The following BRCA2 variants were observed in gnomAD, a reference collection of about 807,000 sequenced individuals.
BRCA2 encodes breast cancer type 2 susceptibility protein.
A neutral mutation model predicts 276.7 loss-of-function variants in BRCA2; 203 were observed. That is an observed-to-expected ratio of 0.73 (90% CI 0.65 to 0.82). The LOEUF (loss-of-function observed/expected upper bound fraction) is 0.82. Ranked by LOEUF, BRCA2 falls within the 40% of genes least tolerant of loss-of-function variation. The pLI is 0.00. For missense variants in BRCA2, 3,920 were observed against 3,915.0 expected (o/e 1.00, Z -0.03); for synonymous variants, 1,289 against 1,338.4 (o/e 0.96, Z 0.81).
chr13:32,355,220 A>C lies in BRCA2; in HGVS notation c.7367A>C (p.Gln2456Pro). The C allele has an allele frequency of 6.2e-7, 1 of 1,610,486 alleles. No individual in the cohort carries two copies. The highest frequency in any genetic ancestry group is 8.5e-7 in the Non-Finnish European group (1 of 1,176,980). Residue 2456 changes from glutamine (Q) to proline (P), a missense_variant, in exon 14 of 27, where the codon CAG becomes CCG. Gln to Pro is a moderately conservative substitution (Grantham distance 76, BLOSUM62 -1). This residue lies in a region of BRCA2 where 3,263 missense variants were observed against 3,156.9 expected (regional missense o/e 1.03). Coordinates refer to ENST00000380152, the MANE Select transcript of BRCA2 (RefSeq NM_000059.4). ...AAGATTAATGACAATGAGATTCATCAGTTTAACAAAAACAACTCCAATCAA... is the reference window on the plus strand; with the variant it reads ...AAGATTAATGACAATGAGATTCATCCGTTTAACAAAAACAACTCCAATCAA... ...KNKINDNEIH[Q>P]FNKNNSNQAV...
chr13:32,380,761 A>G (rs1213334973), intron 24 of BRCA2, among the ~76,000 whole-genome samples: 1 of 151,726 alleles, frequency 6.6e-6, no homozygotes, highest in African/African-American at 2.4e-5. Context: ...AGGATAGTCT[A>G]AATCTCCTGA....
rs397507313 is a variant in BRCA2 at position 32,338,017 on chromosome 13, C to T, written c.3662C>T (p.Ser1221Phe). The change falls in exon 11 of 27, where the codon TCT (serine) becomes TTT (phenylalanine). Residue 1221 changes from serine (S) to phenylalanine (F), a missense_variant. Physicochemically the swap from Ser to Phe is radical, Grantham distance 155. Around this residue, in one of 2 missense-constraint regions of BRCA2, gnomAD observed 3,263 missense variants for 3,156.9 expected, o/e 1.03. Coordinates refer to ENST00000380152, the MANE Select transcript of BRCA2 (RefSeq NM_000059.4). ...GAAGTGGGGTTTAGGGGCTTTTATT[C>T]TGCTCATGGCACAAAACTGAATGTT... ...ENEVGFRGFY[S>F]AHGTKLNVST... is the part of the protein sequence containing the mutation. 6.2e-7 allele frequency: 1 copy of T among 1,612,300 alleles called. No individual in the cohort carries two copies.
intron 3 of BRCA2, among the ~76,000 whole-genome samples, chr13:32,320,411 A>G (rs1328928229): frequency 6.6e-6 from 1 of 152,090 alleles, no homozygotes; most frequent in Non-Finnish European, 1.5e-5. Context: ...ACCTATCTTC[A>G]TTTGCCATTC....
chr13:32,379,358 C>T lies in BRCA2; in HGVS notation c.8796C>T (p.His2932=), dbSNP rs1225836672. 2 of 1,613,762 alleles carry T rather than the reference C, an allele frequency of 1.2e-6. No individual in the cohort carries two copies. Among genetic ancestry groups the T allele is most frequent in the Non-Finnish European group, 1.7e-6 (2 of 1,179,836 alleles). The change falls in exon 22 of 27, where the codon CAC becomes CAT. Residue 2932 remains histidine, a synonymous_variant. Coordinates refer to ENST00000380152, the MANE Select transcript of BRCA2 (RefSeq NM_000059.4). ...AGCAGTTAAGAGCCTTGAATAATCACAGGCAAATGTTGAATGATAAGAAAC... is the reference window on the plus strand; with the variant it reads ...AGCAGTTAAGAGCCTTGAATAATCATAGGCAAATGTTGAATGATAAGAAAC... ...SEEQLRALNN[H]RQMLNDKKQA...
rs80359714 is a variant in BRCA2 at position 32,371,000 on chromosome 13, AAG to A, written c.8537_8538del (p.Glu2846GlyfsTer22). ...SSGLYIFRNE[R>X]EEEKEAAKYV... is the part of the protein sequence containing the mutation. ...CTGGATTATACATATTTCGCAATGA[AAG>A]AGAGGAAGAAAAGGAAGCAGCAAAA... On this transcript the variant is annotated frameshift_variant, in exon 20 of 27. Coordinates refer to ENST00000380152, the MANE Select transcript of BRCA2 (RefSeq NM_000059.4). LOFTEE classifies it high-confidence loss of function. 10 of 1,614,188 alleles carry A rather than the reference AAG, an allele frequency of 6.2e-6. No individual in the cohort carries two copies. Among genetic ancestry groups the A allele is most frequent in the Non-Finnish European group, 8.5e-6 (10 of 1,180,020 alleles).
At chr13:32,335,201 C>T (rs2072438459) in intron 10 of BRCA2, among the ~76,000 whole-genome samples, 1 of 151,960 alleles carries the variant, frequency 6.6e-6, no homozygotes, top group Non-Finnish European at 1.5e-5. Flanking sequence ...AAAAATTATC[C>T]AGATGTGGTG....
intron 21 of BRCA2, among the ~76,000 whole-genome samples, chr13:32,379,050 G>T (rs920111530): frequency 2.2e-4 from 33 of 152,256 alleles, no homozygotes; most frequent in African/African-American, 7.7e-4. Context: ...TGAGCATTCA[G>T]ATATTAGCCA....
At chr13:32,350,487 C>T (rs554006712) in intron 13 of BRCA2, among the ~76,000 whole-genome samples, 9 of 152,240 alleles carry the variant, frequency 5.9e-5, no homozygotes, top group African/African-American at 1.4e-4. Flanking sequence ...TGGTGGTTCA[C>T]GCCTGTAATC....
In BRCA2 at chr13:32,326,088, T is replaced by C; in HGVS notation, c.426-13T>C. The C allele has an allele frequency of 6.2e-7, 1 of 1,604,088 alleles. No individual in the cohort carries two copies. Among genetic ancestry groups the C allele is most frequent in the Non-Finnish European group, 8.5e-7 (1 of 1,174,268 alleles). ...TTAAAATAACCTAAGGGATTTGCTT[T>C]GTTTTATTTTAGTCCTGTTGTTCTA... is the stretch of plus-strand genomic sequence containing the variant. On this transcript the variant is annotated splice_polypyrimidine_tract_variant and intron_variant, in intron 4 of 26. Coordinates refer to ENST00000380152, the MANE Select transcript of BRCA2 (RefSeq NM_000059.4).
intron 7 of BRCA2, 38 bp downstream of exon 7, chr13:32,326,651 A>G (rs760707821): frequency 6.9e-7 from 1 of 1,453,176 alleles, no homozygotes; most frequent in Non-Finnish European, 9.6e-7. Flanking sequence ...GAAAGAGCAG[A>G]TGAGGTTGAT....
chr13:32,337,158 G>A lies in BRCA2; in HGVS notation c.2803G>A (p.Asp935Asn), dbSNP rs28897716. 1,865 of 1,613,826 alleles carry A rather than the reference G, an allele frequency of 1.2e-3. 4 individuals carry two copies. Among genetic ancestry groups the A allele is most frequent in the Non-Finnish European group, 1.5e-3 (1,739 of 1,179,858 alleles). ...STMVLYGDTGDKQATQVSIKK... is the reference protein window; with the variant it reads ...STMVLYGDTGNKQATQVSIKK... ...CATGGTTTTATATGGAGACACAGGT[G>A]ATAAACAAGCAACCCAAGTGTCAAT... The change falls in exon 11 of 27, where the codon GAT becomes AAT. Residue 935 changes from aspartate (D) to asparagine (N), a missense_variant. Coordinates refer to ENST00000380152, the MANE Select transcript of BRCA2 (RefSeq NM_000059.4).
chr13:32,375,581 A>G (rs1460536656), intron 20 of BRCA2, among the ~76,000 whole-genome samples: 1 of 138,506 alleles, frequency 7.2e-6, no homozygotes, highest in Non-Finnish European at 1.5e-5. Flanking sequence ...TTTTTTTGAG[A>G]TGGAGTTTCG....
chr13:32,345,189 C>T (rs540630641), intron 12 of BRCA2, among the ~76,000 whole-genome samples: 2 of 152,060 alleles, frequency 1.3e-5, no homozygotes, highest in Admixed American at 6.5e-5. Context: ...AGATGTCTGC[C>T]GAATACCCAA....
At chr13:32,321,182 A>G (rs2072303627) in intron 3 of BRCA2, among the ~76,000 whole-genome samples, 1 of 152,240 alleles carries the variant, frequency 6.6e-6, no homozygotes, top group African/African-American at 2.4e-5. Flanking sequence ...CATATGCAGA[A>G]CACAGTAGTA....
intron 16 of BRCA2, among the ~76,000 whole-genome samples, chr13:32,358,142 G>A (rs2072713813): frequency 6.6e-6 from 1 of 152,148 alleles, no homozygotes; most frequent in African/African-American, 2.4e-5. Context: ...CTTGATTTGG[G>A]ACATTTTTCT....
At chr13:32,324,972 C>T (rs2072332713) in intron 3 of BRCA2, 104 bp from the exon 4 acceptor site, 3 of 789,454 alleles carry the variant, frequency 3.8e-6, no homozygotes, top group Non-Finnish European at 6.4e-6. Context: ...TATACATTCT[C>T]ATTCCCAGTA....
intron 18 of BRCA2, among the ~76,000 whole-genome samples, chr13:32,365,239 C>T (rs529639905): frequency 8.5e-4 from 125 of 147,402 alleles, no homozygotes; most frequent in African/African-American, 2.9e-3. Context: ...TGGGCTCAAA[C>T]GGTCCTCACG....
At chr13:32,330,875 T>C (rs1296450534) in intron 8 of BRCA2, 44 bp from the exon 9 acceptor site, 4 of 1,173,762 alleles carry the variant, frequency 3.4e-6, no homozygotes, top group African/African-American at 1.5e-5. Flanking sequence ...TATATGTGCA[T>C]TGAGAGTTTT....
rs1131692126 is a variant in BRCA2 at position 32,370,449 on chromosome 13, A to T, written c.8379A>T (p.Gly2793=). ...CTGCTCGCTGGTATACCAAACTTGG[A>T]TTCTTTCCTGACCCTAGACCTTTTC... ...TRPARWYTKL[G]FFPDPRPFPL... Residue 2793 remains glycine (G), a synonymous_variant, in exon 19 of 27, where the codon GGA becomes GGT. Transcript: ENST00000380152. The T allele has an allele frequency of 6.2e-7, 1 of 1,614,000 alleles. No homozygotes were observed. Among genetic ancestry groups the T allele is most frequent in the East Asian group, 2.2e-5 (1 of 44,892 alleles).
Sources: allele counts gnomAD v4.1 joint callset (sites outside exome capture counted in the v4.1 genomes callset), GRCh38; gene constraint gnomAD v4.1.1; regional missense constraint gnomAD v4.1.1; transcripts MANE v1.5; gene names NCBI Gene and HGNC (gene_info 2026-07-23, HGNC 2026-07-21).